ZNF544: variants seen among roughly 807,000 people sequenced by gnomAD.
ZNF544 encodes zinc finger protein AF020591.
In ZNF544, 10 loss-of-function variants were observed where a neutral mutation model predicts 13.5. That is an observed-to-expected ratio of 0.74 (90% CI 0.46 to 1.25). The LOEUF (loss-of-function observed/expected upper bound fraction) is 1.25, where lower values mean the gene tolerates loss of function less well. ZNF544 is among the 50% of genes most tolerant of loss of function. The probability of loss-of-function intolerance (pLI) is 0.00; values close to 1 mark genes in which losing one functional copy is unlikely to be tolerated. For synonymous variants in ZNF544, 323 were observed against 300.5 expected (o/e 1.07, Z -0.77); for missense variants, 896 against 845.6 (o/e 1.06, Z -0.74).
chr19:58,240,448 G>A, intron 3 of ZNF544, among the ~76,000 whole-genome samples: 1 of 151,784 alleles, frequency 6.6e-6, no homozygotes, highest in East Asian at 2.0e-4. Flanking sequence ...TAGTAGAGAT[G>A]GGGTTTCATC....
intron 6 of ZNF544, among the ~76,000 whole-genome samples, chr19:58,247,803 T>C (rs2045575238): frequency 6.6e-6 from 1 of 152,164 alleles, no homozygotes; most frequent in African/African-American, 2.4e-5. Context: ...GACGAGAAAG[T>C]GCAGAGTTCC....
chr19:58,237,180 C>T (rs1477461461), intron 3 of ZNF544, among the ~76,000 whole-genome samples: 2 of 151,984 alleles, frequency 1.3e-5, no homozygotes, highest in Admixed American at 6.6e-5. Flanking sequence ...CTTCCCGCCT[C>T]AGCCTCCCAG....
Position 58,260,932 on chromosome 19 carries a change from T to C in ZNF544, c.326T>C (p.Val109Ala), listed in dbSNP as rs771904225. The C allele has an allele frequency of 1.2e-6, 2 of 1,613,998 alleles. No individual in the cohort carries two copies. The highest frequency in any genetic ancestry group is 1.7e-6 in the Non-Finnish European group (2 of 1,179,998). The part of the protein sequence containing the change: ...AREELSHHVE[V>A]YRSGPEEPPS... The stretch of plus-strand genomic sequence containing the variant: ...GAAGAACTATCCCACCACGTGGAAG[T>C]GTACAGGAGTGGACCGGAGGAGCCA... Residue 109 changes from valine to alanine, a missense_variant, in exon 7 of 7, where the codon GTG becomes GCG. Transcript: ENST00000687789.
intron 5 of ZNF544, among the ~76,000 whole-genome samples, chr19:58,269,913 T>G (rs796103852): frequency 2.6e-5 from 4 of 152,234 alleles, no homozygotes; most frequent in African/African-American, 9.6e-5. Flanking sequence ...AGAATGAGAC[T>G]CTGTCTCAAA....
In ZNF544 at chr19:58,243,974, C is replaced by T. The variant is rs1366390780; in HGVS notation, c.-50C>T. On this transcript the variant is annotated 5_prime_UTR_variant, in exon 4 of 7. Coordinates refer to ENST00000687789, the MANE Select transcript of ZNF544 (RefSeq NM_014480.4). The stretch of plus-strand genomic sequence containing the variant: ...TTGTTTTCCACCCCAGACTGGTCTT[C>T]TGAGGACCTCTGCCCTCTACACAGC... The T allele has an allele frequency of 3.2e-6, 5 of 1,583,244 alleles. No individual in the cohort carries two copies. In the African/African-American group the frequency reaches 5.4e-5, roughly 17 times the overall value.
rs143693031 is a variant in ZNF544, at chr19:58,241,921, TTCTCTC to T, written c.-59-2026_-59-2021del. ...TTTCAGCACTGAATTTGCTGTTCACTTCTCTCTCTCTCTCTCTCTCTCTTTGTGCTT... is the reference window on the plus strand; with the variant it reads ...TTTCAGCACTGAATTTGCTGTTCACTTCTCTCTCTCTCTCTCTTTGTGCTT... On this transcript the variant is annotated intron_variant, in intron 3 of 6. Coordinates refer to ENST00000687789, the MANE Select transcript of ZNF544 (RefSeq NM_014480.4). Among the ~76,000 whole-genome samples the T allele has an allele frequency of 7.3e-3, 1,085 of 149,592 alleles. 10 individuals are homozygous for T. Among genetic ancestry groups the T allele is most frequent in the African/African-American group, 0.024 (990 of 40,928 alleles).
downstream of ZNF544, among the ~76,000 whole-genome samples, chr19:58,267,976 G>T (rs4801576): frequency 2.0e-5 from 3 of 149,478 alleles, no homozygotes; most frequent in African/African-American, 7.4e-5. Context: ...GCGAGACTGC[G>T]TTTCAAAAAA....
rs556619152 is a variant in ZNF544, at chr19:58,248,277, T to C, written c.244+1483T>C. On this transcript the variant is annotated intron_variant, in intron 6 of 6. Transcript: ENST00000687789. ...AGGGTTCATGCTTTTTTTTTTCTTT[T>C]TTTTTTTTTTTTTTTGAGACAGTGA... Among the ~76,000 whole-genome samples the C allele has an allele frequency of 1.0e-3, 150 of 146,710 alleles. 2 individuals are homozygous for C. The highest frequency in any genetic ancestry group is 3.0e-3 in the African/African-American group (120 of 40,122).
rs1162888898 is a variant in ZNF544 at position 58,261,234 on chromosome 19, G to A, written c.628G>A (p.Gly210Arg). The A allele has an allele frequency of 6.2e-7, 1 of 1,614,036 alleles. No individual in the cohort carries two copies. Among genetic ancestry groups the A allele is most frequent in the Non-Finnish European group, 8.5e-7 (1 of 1,180,050 alleles). The part of the protein sequence containing the change: ...FINHEKNGAD[G>R]KHCESHQCAR... ...TAATCATGAGAAAAATGGAGCAGAT[G>A]GGAAGCACTGTGAGAGTCATCAGTG... is the stretch of plus-strand genomic sequence containing the variant. Residue 210 changes from glycine to arginine, a missense_variant, in exon 7 of 7, where the codon GGG becomes AGG. Coordinates refer to ENST00000687789, the MANE Select transcript of ZNF544 (RefSeq NM_014480.4).
intron 3 of ZNF544, among the ~76,000 whole-genome samples, chr19:58,241,064 T>G (rs1362158036): frequency 7.7e-6 from 1 of 130,306 alleles, no homozygotes; most frequent in Non-Finnish European, 1.7e-5. Context: ...CTCAACCTCC[T>G]GGGCTCAAGC....
rs2046240627 is a variant in ZNF544 at position 58,251,176 on chromosome 19, G to C, written c.244+4382G>C. The stretch of plus-strand genomic sequence containing the variant: ...TATTACAAAGGAAGTTATTCCATTT[G>C]TTTAGAAGAAAGCAATTAAATTGTA... On this transcript the variant is annotated intron_variant, in intron 6 of 6. Transcript: ENST00000687789. 12 of 357,596 alleles carry C rather than the reference G, an allele frequency of 3.4e-5. 1 individual carries two copies. In the Admixed American group the frequency reaches 4.2e-4, roughly 13 times the overall value. The allele number at this position is 357,596 out of a possible 1,614,324, so 22.2% of individuals were successfully genotyped here. A position where few individuals can be genotyped will look rare whatever the true frequency, so the allele number is the denominator to read the frequency against.
intron 3 of ZNF544, among the ~76,000 whole-genome samples, chr19:58,235,354 T>C (rs1600215393): frequency 6.6e-6 from 1 of 152,258 alleles, no homozygotes; most frequent in African/African-American, 2.4e-5. Flanking sequence ...AGCTCCATTG[T>C]AATCATATGG....
chr19:58,271,217 A>G (rs79716169), intron 5 of ZNF544, among the ~76,000 whole-genome samples: 1 of 145,290 alleles, frequency 6.9e-6, no homozygotes, highest in Non-Finnish European at 1.5e-5. Context: ...GTCTCCAGGA[A>G]AAAAAAAAAA....
chr19:58,259,180 T>C (rs1374562495), intron 6 of ZNF544: 1 of 152,272 alleles, frequency 6.6e-6, no homozygotes, highest in Non-Finnish European at 1.5e-5. Context: ...CAGCCAGTCA[T>C]GCTGATCATG....
chr19:58,248,702 T>C (rs551763012), intron 6 of ZNF544, among the ~76,000 whole-genome samples: 60 of 152,224 alleles, frequency 3.9e-4, no homozygotes, highest in African/African-American at 1.3e-3. Context: ...GTGGAGGATG[T>C]GCAGGTTCTT....
chr19:58,271,635 G>A (rs906939125), intron 5 of ZNF544, among the ~76,000 whole-genome samples: 5 of 152,226 alleles, frequency 3.3e-5, no homozygotes, highest in East Asian at 1.9e-4. Context: ...CTGAGAGGAT[G>A]AGTGACTGGG....
At chr19:58,241,180 T>TATATATATATATATA (rs1491408473) in intron 3 of ZNF544, among the ~76,000 whole-genome samples, 33 of 67,324 alleles carry the variant, frequency 4.9e-4, no homozygotes, top group Middle Eastern at 9.6e-3. Flanking sequence ...TATATATATA[T>TATATATATATATATA]TTTTTTTTTT....
intron 6 of ZNF544, among the ~76,000 whole-genome samples, chr19:58,256,841 C>G (rs529335598): frequency 2.6e-5 from 4 of 152,184 alleles, no homozygotes; most frequent in Admixed American, 6.5e-5. Context: ...GCCTTCCCAG[C>G]TAGAGAGAGT....
intron 1 of ZNF544, 199 bp from the exon 2 acceptor site, chr19:58,229,269 G>A (rs895335615): frequency 1.9e-5 from 2 of 107,154 alleles, no homozygotes; most frequent in African/African-American, 3.4e-5. Context: ...ACGGGCAGGG[G>A]TGGAACTGGG....
Sources: allele counts gnomAD v4.1 joint callset (sites outside exome capture counted in the v4.1 genomes callset), GRCh38; gene constraint gnomAD v4.1.1; transcripts MANE v1.5; gene names NCBI Gene and HGNC (gene_info 2026-07-23, HGNC 2026-07-21).